Variants in FRMPD4 observed in about 807,000 individuals in gnomAD.
FRMPD4 encodes the protein FERM and PDZ domain-containing protein 4.
A neutral mutation model predicts 94.1 loss-of-function variants in FRMPD4; 22 were observed. That is an observed-to-expected ratio of 0.23 (90% confidence interval 0.17 to 0.33). FRMPD4 has a LOEUF of 0.33. Ranked by LOEUF, FRMPD4 falls within the 10% of genes least tolerant of loss-of-function variation. The probability of loss-of-function intolerance (pLI) is 1.00; values close to 1 mark genes in which losing one functional copy is unlikely to be tolerated. For synonymous variants in FRMPD4, 631 were observed against 548.6 expected, an observed-to-expected ratio of 1.15 and a Z score of -2.10; for missense variants, 1,111 against 1,339.9, an observed-to-expected ratio of 0.83 and a Z score of 2.67.
intron 1 of FRMPD4, among the ~76,000 whole-genome samples, chrX:12,382,530 G>GCATAGAGCATAGCAT (rs60602906): frequency 0.055 from 2,442 of 44,362 alleles, 134 homozygotes; most frequent in East Asian, 0.2. Context: ...GCATAGCATA[G>GCATAGAGCATAGCAT]AGCATAGCAT....
chrX:11,982,258 G>A (rs1417373339), intron 3 of FRMPD4, among the ~76,000 whole-genome samples: 3 of 110,726 alleles, frequency 2.7e-5, no homozygotes, highest in Non-Finnish European at 5.7e-5. Context: ...TGCTGTTGCA[G>A]TTGAGAAAAC....
intron 1 of FRMPD4, among the ~76,000 whole-genome samples, chrX:12,370,317 T>C (rs938194858): frequency 3.6e-5 from 4 of 111,634 alleles, no homozygotes; most frequent in African/African-American, 6.5e-5. Flanking sequence ...CAAAAATAAA[T>C]AAACAAGAAA....
intron 1 of FRMPD4, among the ~76,000 whole-genome samples, chrX:12,207,635 T>C (rs182836901): frequency 3.7e-5 from 4 of 108,319 alleles, no homozygotes; most frequent in Non-Finnish European, 7.7e-5. Flanking sequence ...CTGAGCGTGC[T>C]TCCCAGTTTG....
intron 1 of FRMPD4, among the ~76,000 whole-genome samples, chrX:12,402,518 A>G (rs778390392): frequency 8.9e-6 from 1 of 111,933 alleles, no homozygotes. Flanking sequence ...CTCCCTCATC[A>G]CTTCCTAAAA....
intron 3 of FRMPD4, among the ~76,000 whole-genome samples, chrX:12,042,404 A>G (rs2054760979): frequency 9.0e-6 from 1 of 111,077 alleles, no homozygotes; most frequent in Admixed American, 9.6e-5. Flanking sequence ...GCTCTCCTGT[A>G]ATGTGTAGTA....
rs58430445 is a variant in FRMPD4, at chrX:12,170,185, G to GTTT, written c.41+31185_41+31187dup. 2.6e-4 allele frequency among the ~76,000 whole-genome samples: 25 copies of GTTT among 96,887 alleles called. 1 individual carries two copies. Among genetic ancestry groups the GTTT allele is most frequent in the African/African-American group, 8.3e-4 (22 of 26,660 alleles). The allele number at this position is 96,887 out of a possible 115,157, so 84.1% of individuals were successfully genotyped here. A position where few individuals can be genotyped will look rare whatever the true frequency, so the allele number is the denominator to read the frequency against. On this transcript the variant is annotated intron_variant, in intron 1 of 16. Coordinates refer to ENST00000675598, the MANE Select transcript of FRMPD4 (RefSeq NM_001368397.1). Reference sequence around the variant, plus strand: ...TATCTTTCCAGAAATTTTCCACAGAGTTTTTTTTTTTTTTCAGTGACAACA... The same window carrying GTTT: ...TATCTTTCCAGAAATTTTCCACAGAGTTTTTTTTTTTTTTTTTCAGTGACAACA...
chrX:12,008,938 T>C (rs2054567883), intron 3 of FRMPD4, among the ~76,000 whole-genome samples: 1 of 112,450 alleles, frequency 8.9e-6, no homozygotes, highest in Non-Finnish European at 1.9e-5. Flanking sequence ...TATTTCATGA[T>C]ATGTATTTTG....
chrX:11,973,697 T>A (rs1048998170), intron 3 of FRMPD4, among the ~76,000 whole-genome samples: 3 of 112,013 alleles, frequency 2.7e-5, no homozygotes, highest in East Asian at 5.6e-4. Flanking sequence ...ATTCTTCTCC[T>A]TTGTTACTGA....
intron 3 of FRMPD4, among the ~76,000 whole-genome samples, chrX:12,029,958 A>G (rs1183756903): frequency 8.9e-6 from 1 of 111,764 alleles, no homozygotes; most frequent in African/African-American, 3.3e-5. Flanking sequence ...CACATTCTGT[A>G]TACTCATTTC....
At chrX:12,116,386 C>A (rs189294585) in intron 3 of FRMPD4, among the ~76,000 whole-genome samples, 9 of 112,293 alleles carry the variant, frequency 8.0e-5, no homozygotes, top group African/African-American at 2.9e-4. Flanking sequence ...TCCCCATGCT[C>A]CTGAGACTTT....
At chrX:12,484,486 A>G (rs2057719738) in intron 1 of FRMPD4, among the ~76,000 whole-genome samples, 1 of 112,322 alleles carries the variant, frequency 8.9e-6, no homozygotes. Flanking sequence ...AGCCTCTTGC[A>G]AAATCCCTGT....
chrX:12,137,846 C>T (rs781546558), upstream of FRMPD4, among the ~76,000 whole-genome samples: 3 of 112,033 alleles, frequency 2.7e-5, no homozygotes, highest in Non-Finnish European at 5.6e-5. Context: ...GTTCCCTTCA[C>T]CCAAGGCTCA....
At chrX:12,090,598 G>A (rs2055146062) in intron 3 of FRMPD4, among the ~76,000 whole-genome samples, 1 of 110,783 alleles carries the variant, frequency 9.0e-6, no homozygotes, top group Non-Finnish European at 1.9e-5. Flanking sequence ...CAGAATGGGG[G>A]ATTTGTGAAG....
At chrX:12,540,416 CA>C (rs2058394629) in intron 2 of FRMPD4, among the ~76,000 whole-genome samples, 2 of 110,537 alleles carry the variant, frequency 1.8e-5, no homozygotes, top group African/African-American at 6.6e-5. Flanking sequence ...AAATGGAACA[CA>C]AAAAAAGGCA....
At chrX:12,274,964 G>A (rs1224070129) in intron 1 of FRMPD4, among the ~76,000 whole-genome samples, 2 of 111,890 alleles carry the variant, frequency 1.8e-5, no homozygotes, top group Non-Finnish European at 3.8e-5. Context: ...AGCGGTGATC[G>A]CGCCACTGCA....
At chrX:12,163,181 C>A (rs1242834677) in intron 1 of FRMPD4, among the ~76,000 whole-genome samples, 1 of 110,348 alleles carries the variant, frequency 9.1e-6, no homozygotes, top group African/African-American at 3.3e-5. Context: ...TTGAAACCTC[C>A]CCAGTACGTG....
chrX:12,699,709 A>G (rs1360509439), intron 9 of FRMPD4, among the ~76,000 whole-genome samples: 1 of 112,984 alleles, frequency 8.9e-6, no homozygotes, highest in Non-Finnish European at 1.9e-5. Flanking sequence ...AATCAAGTCA[A>G]AAAAGACAAA....
At position 12,237,634 on chromosome X, in the gene FRMPD4, T is replaced by G. The variant is rs1160946818; in HGVS notation, c.41+98622T>G. Among the ~76,000 whole-genome samples the G allele has an allele frequency of 3.6e-5, 4 of 112,173 alleles. No homozygotes were observed. In the East Asian group the frequency reaches 1.1e-3, roughly 31 times the overall value. ...TGGTCATTCAAATATTTTTTACTAC[T>G]CCTTTCTCTTTGATATTTGATCCAA... is the stretch of plus-strand genomic sequence containing the variant. On this transcript the variant is annotated intron_variant, in intron 1 of 16. Coordinates refer to ENST00000675598, the MANE Select transcript of FRMPD4 (RefSeq NM_001368397.1).
intron 1 of FRMPD4, among the ~76,000 whole-genome samples, chrX:12,458,318 A>G (rs918712273): frequency 2.7e-5 from 3 of 112,065 alleles, no homozygotes; most frequent in Admixed American, 9.4e-5. Context: ...GAGTACTACT[A>G]TGAGACCAAT....
Sources: gnomAD v4.1 joint callset for allele counts (sites outside exome capture counted in the v4.1 genomes callset) on GRCh38, gnomAD v4.1.1 for gene constraint, MANE v1.5 for transcripts, NCBI Gene and HGNC (gene_info 2026-07-23, HGNC 2026-07-21) for gene names.